DOCK3: variants seen among roughly 807,000 people sequenced by gnomAD.
DOCK3 encodes the protein dedicator of cytokinesis protein 3.
DOCK3 carries 60 observed loss-of-function variants against 265.6 expected under a neutral mutation model. The observed-to-expected ratio is 0.23, with a 90% confidence interval of 0.18 to 0.28. The LOEUF (loss-of-function observed/expected upper bound fraction) is 0.28. Ranked by LOEUF, DOCK3 falls within the 10% of genes least tolerant of loss-of-function variation. The pLI, the probability that DOCK3 is intolerant of heterozygous loss-of-function variation, is 1.00. For missense variants in DOCK3, 1,981 were observed against 2,594.3 expected, an observed-to-expected ratio of 0.76 and a Z score of 5.14; for synonymous variants, 881 against 938.0, an observed-to-expected ratio of 0.94 and a Z score of 1.11.
At chr3:51,277,358 T>G (rs1238010746) in intron 25 of DOCK3, among the ~76,000 whole-genome samples, 1 of 152,186 alleles carries the variant, frequency 6.6e-6, no homozygotes, top group Non-Finnish European at 1.5e-5. Flanking sequence ...TGCTTGAGAT[T>G]CAAAGTTGCA....
chr3:50,757,868 G>T (rs1166032352), intron 1 of DOCK3, among the ~76,000 whole-genome samples: 1 of 151,970 alleles, frequency 6.6e-6, no homozygotes, highest in Non-Finnish European at 1.5e-5. Flanking sequence ...AATTGTCTTG[G>T]CACCTTTATT....
In DOCK3 at chr3:51,246,821, C is replaced by G; in HGVS notation, c.2184+14C>G. On this transcript the variant is annotated intron_variant, in intron 22 of 52. Transcript: ENST00000266037. ...GAAGCTATGCGGGTAATGTACTAACCTCTCCATACATAAGAGACCCACTCA... is the reference window on the plus strand; with the variant it reads ...GAAGCTATGCGGGTAATGTACTAACGTCTCCATACATAAGAGACCCACTCA... The G allele has an allele frequency of 6.2e-7, 1 of 1,610,082 alleles. No individual in the cohort carries two copies.
chr3:50,877,938 T>C (rs1482138674), intron 3 of DOCK3, among the ~76,000 whole-genome samples: 1 of 152,086 alleles, frequency 6.6e-6, no homozygotes, highest in Non-Finnish European at 1.5e-5. Flanking sequence ...AGAGGAAGGA[T>C]CAGGCAGCAA....
In DOCK3 at chr3:50,970,917, AT is replaced by A. The variant is rs2077194602; in HGVS notation, c.315+36841del. On this transcript the variant is annotated intron_variant, in intron 5 of 52. Coordinates refer to ENST00000266037, the MANE Select transcript of DOCK3 (RefSeq NM_004947.5). ...TATATATATATATATATATATATAT[AT>A]ATATATATATATATATATATATATA... Among the ~76,000 whole-genome samples the A allele has an allele frequency of 8.3e-4, 55 of 65,884 alleles. 1 individual carries two copies. Among genetic ancestry groups the A allele is most frequent in the African/African-American group, 3.1e-3 (50 of 16,278 alleles). The allele number at this position is 65,884 out of a possible 152,430, so 43.2% of individuals were successfully genotyped here.
chr3:51,157,579 A>G (rs1199324428), intron 10 of DOCK3, among the ~76,000 whole-genome samples: 1 of 152,006 alleles, frequency 6.6e-6, no homozygotes, highest in African/African-American at 2.4e-5. Flanking sequence ...CTTTTCTTTC[A>G]TATGTTTAAG....
intron 3 of DOCK3, among the ~76,000 whole-genome samples, chr3:50,862,628 A>T (rs1440516810): frequency 6.6e-6 from 1 of 152,134 alleles, no homozygotes; most frequent in African/African-American, 2.4e-5. Flanking sequence ...CACTTCATAA[A>T]GACTTTGTCT....
intron 2 of DOCK3, among the ~76,000 whole-genome samples, chr3:50,824,758 A>T (rs184411286): frequency 1.3e-5 from 2 of 152,146 alleles, no homozygotes; most frequent in African/African-American, 4.8e-5. Flanking sequence ...CTATTTTTTC[A>T]TGTAAATTTT....
intron 49 of DOCK3, among the ~76,000 whole-genome samples, chr3:51,371,245 T>C (rs1257636639): frequency 6.6e-6 from 1 of 152,228 alleles, no homozygotes; most frequent in Non-Finnish European, 1.5e-5. Flanking sequence ...AACTCCAGAA[T>C]ATCACACAGA....
chr3:51,237,956 A>T (rs1351173867), intron 21 of DOCK3, among the ~76,000 whole-genome samples: 1 of 151,654 alleles, frequency 6.6e-6, no homozygotes, highest in Non-Finnish European at 1.5e-5. Flanking sequence ...TATGAATTTG[A>T]CTACTTTAGG....
At chr3:50,947,520 A>T (rs2076459894) in intron 5 of DOCK3, among the ~76,000 whole-genome samples, 1 of 152,210 alleles carries the variant, frequency 6.6e-6, no homozygotes. Flanking sequence ...GCATCAGTAT[A>T]GTTGTATGGG....
chr3:50,844,247 ACT>A, intron 3 of DOCK3, among the ~76,000 whole-genome samples: 2 of 152,322 alleles, frequency 1.3e-5, no homozygotes, highest in Admixed American at 1.3e-4. Context: ...ATTGAGTCTC[ACT>A]CTGTCATCCA....
chr3:51,341,194 A>T, intron 37 of DOCK3, 43 bp from the exon 38 acceptor site: 1 of 1,527,016 alleles, frequency 6.5e-7, no homozygotes, highest in Non-Finnish European at 8.8e-7. Flanking sequence ...TGGGCCTCTG[A>T]GCAAGGGAAG....
intron 2 of DOCK3, among the ~76,000 whole-genome samples, chr3:50,784,248 C>G (rs1279503463): frequency 6.6e-6 from 1 of 152,152 alleles, no homozygotes; most frequent in African/African-American, 2.4e-5. Flanking sequence ...ATCCCAGCAC[C>G]ATTTGTTGAA....
chr3:50,686,799 C>T (rs2034845262), intron 1 of DOCK3, among the ~76,000 whole-genome samples: 1 of 148,056 alleles, frequency 6.8e-6, no homozygotes, highest in South Asian at 2.1e-4. Flanking sequence ...ATCCCAGCTA[C>T]TGGGGAGGCT....
chr3:51,346,386 G>C (rs987695911), intron 38 of DOCK3, among the ~76,000 whole-genome samples: 3 of 151,566 alleles, frequency 2.0e-5, no homozygotes, highest in Non-Finnish European at 4.4e-5. Context: ...GAGAACATGC[G>C]GTGTTTGGTT....
intron 5 of DOCK3, among the ~76,000 whole-genome samples, chr3:50,980,844 C>CT (rs896457775): frequency 6.6e-5 from 10 of 151,614 alleles, no homozygotes; most frequent in East Asian, 3.9e-4. Context: ...GGTCTTCTCT[C>CT]TTTTTTTTGG....
intron 2 of DOCK3, chr3:50,787,718 T>A (rs2042257001): frequency 1.6e-6 from 2 of 1,252,154 alleles, no homozygotes; most frequent in Admixed American, 1.8e-5. Flanking sequence ...CTCCTCATTC[T>A]TCTTTCTGTA....
intron 5 of DOCK3, among the ~76,000 whole-genome samples, chr3:51,001,731 T>C (rs962803497): frequency 3.3e-5 from 5 of 152,226 alleles, no homozygotes; most frequent in Admixed American, 6.5e-5. Flanking sequence ...CAGATTGTTT[T>C]CCAAAGTTGT....
At chr3:51,097,819 T>A (rs1178386493) in intron 9 of DOCK3, among the ~76,000 whole-genome samples, 1 of 152,200 alleles carries the variant, frequency 6.6e-6, no homozygotes, top group Non-Finnish European at 1.5e-5. Flanking sequence ...CAGAGTGCAC[T>A]GTCCCTCATG....
Sources: allele counts gnomAD v4.1 joint callset (sites outside exome capture counted in the v4.1 genomes callset), GRCh38; gene constraint gnomAD v4.1.1; transcripts MANE v1.5; gene names NCBI Gene and HGNC (gene_info 2026-07-23, HGNC 2026-07-21).